Variants in SHANK2 observed in about 807,000 individuals in gnomAD.
The protein encoded by SHANK2 is SH3 and multiple ankyrin repeat domains protein 2.
SHANK2 carries 43 observed loss-of-function variants against 133.7 expected under a neutral mutation model. That is an observed-to-expected ratio of 0.32 (90% CI 0.25 to 0.41). The LOEUF is 0.41. Ranked by LOEUF, SHANK2 falls within the 10% of genes least tolerant of loss-of-function variation. The probability of loss-of-function intolerance (pLI) is 1.00; values close to 1 mark genes in which losing one functional copy is unlikely to be tolerated. For synonymous variants in SHANK2, 1,017 were observed against 952.8 expected, an observed-to-expected ratio of 1.07 and a Z score of -1.24; for missense variants, 1,994 against 2,235.8, an observed-to-expected ratio of 0.89 and a Z score of 2.18.
chr11:71,229,125 A>T, intron 1 of SHANK2, among the ~76,000 whole-genome samples: 1 of 152,212 alleles, frequency 6.6e-6, no homozygotes, highest in East Asian at 1.9e-4. Flanking sequence ...ATGAGCCAAG[A>T]TTCACCAAAT....
chr11:70,887,512 G>C (rs902145575), intron 11 of SHANK2, among the ~76,000 whole-genome samples: 3 of 152,034 alleles, frequency 2.0e-5, no homozygotes, highest in Non-Finnish European at 4.4e-5. Context: ...CCATTTCTGG[G>C]TTCTACAGAC....
chr11:70,535,764 T>C lies in SHANK2; in HGVS notation c.2062-32833A>G, dbSNP rs957347559. ...ACCCAGCAGCACTGTGGGAAGTCCC[T>C]GTGCTCCACGGGGCAGGAGAGGTTC... On this transcript the variant is annotated intron_variant, in intron 17 of 25. Coordinates refer to ENST00000601538, the MANE Select transcript of SHANK2 (RefSeq NM_012309.5). This position sits in a 1 kb window ranked among gnomAD's most constrained non-coding sequence, Gnocchi z 4.3. Among the ~76,000 whole-genome samples, 9 of 152,202 alleles carry C rather than the reference T, an allele frequency of 5.9e-5. No homozygotes were observed. Among genetic ancestry groups the C allele is most frequent in the Non-Finnish European group, 1.3e-4 (9 of 68,030 alleles).
intron 17 of SHANK2, among the ~76,000 whole-genome samples, chr11:70,555,793 C>T (rs2136103807): frequency 6.6e-6 from 1 of 152,288 alleles, no homozygotes; most frequent in East Asian, 1.9e-4. Context: ...GTGAAGCATC[C>T]TCATTGCTGA....
chr11:71,234,999 A>G (rs1029525929), intron 1 of SHANK2, among the ~76,000 whole-genome samples: 2 of 152,192 alleles, frequency 1.3e-5, no homozygotes, highest in Admixed American at 1.3e-4. Context: ...ATCTCCAGCC[A>G]TAAAAAGGAA....
At chr11:70,747,783 A>T (rs1029149096) in intron 14 of SHANK2, among the ~76,000 whole-genome samples, 2 of 152,220 alleles carry the variant, frequency 1.3e-5, no homozygotes, top group African/African-American at 4.8e-5. Context: ...CACATGGTAC[A>T]TGTATGTGCA....
intron 17 of SHANK2, among the ~76,000 whole-genome samples, chr11:70,513,601 A>C (rs1459421254): frequency 1.3e-5 from 2 of 152,262 alleles, no homozygotes; most frequent in Non-Finnish European, 2.9e-5. Flanking sequence ...TGGAATTATC[A>C]GAGAAGGACT....
chr11:70,561,720 A>G (rs201974175), intron 17 of SHANK2, among the ~76,000 whole-genome samples: 133 of 151,452 alleles, frequency 8.8e-4, no homozygotes, highest in African/African-American at 1.4e-3. Flanking sequence ...TAGAGATGGC[A>G]GGGGGGGTCT....
At chr11:70,602,913 A>G (rs2136332505) in intron 17 of SHANK2, among the ~76,000 whole-genome samples, 1 of 152,346 alleles carries the variant, frequency 6.6e-6, no homozygotes, top group East Asian at 1.9e-4. Flanking sequence ...ATAGAGTCCT[A>G]CACAGGTGGG....
rs76485270 is a variant in SHANK2 at position 71,208,043 on chromosome 11, G to T, written c.-13+16654C>A. Among the ~76,000 whole-genome samples, 16 of 152,212 alleles carry T rather than the reference G, an allele frequency of 1.1e-4. No individual in the cohort carries two copies. The East Asian group carries it at 3.1e-3, about 29-fold the overall frequency. On this transcript the variant is annotated intron_variant, in intron 2 of 25. Transcript: ENST00000601538. ...GGGCTCCCAAGAAAAGCTTTTAAGG[G>T]CCTTAAGACACCTAAAACCCACACA...
chr11:70,738,637 C>T (rs960852923), intron 14 of SHANK2, among the ~76,000 whole-genome samples: 14 of 152,318 alleles, frequency 9.2e-5, no homozygotes, highest in East Asian at 7.7e-4. Flanking sequence ...CACAGCCAGC[C>T]GCTGGACCCC....
At position 70,882,079 on chromosome 11, in the gene SHANK2, C is replaced by T. The variant is rs558352976; in HGVS notation, c.1174+14422G>A. On this transcript the variant is annotated intron_variant, in intron 11 of 25. Transcript: ENST00000601538. This position sits in a 1 kb window ranked among gnomAD's most constrained non-coding sequence, Gnocchi z 4.2. ...GAGGCGGAAAACATCAGTGTGAATT[C>T]CCCAAGCCCCCAGGGGGACACACTG... Among the ~76,000 whole-genome samples, 1 of 152,192 alleles carries T rather than the reference C, an allele frequency of 6.6e-6. No homozygotes were observed. Among genetic ancestry groups the T allele is most frequent in the South Asian group, 2.1e-4 (1 of 4,820 alleles).
intron 3 of SHANK2, among the ~76,000 whole-genome samples, chr11:71,125,091 C>T (rs868919740): frequency 1.3e-5 from 2 of 152,036 alleles, no homozygotes; most frequent in Non-Finnish European, 2.9e-5. Flanking sequence ...TTCCACTGAC[C>T]AGCTATTCTC....
intron 1 of SHANK2, among the ~76,000 whole-genome samples, chr11:71,251,003 G>A (rs1555125760): frequency 6.6e-6 from 1 of 152,094 alleles, no homozygotes; most frequent in African/African-American, 2.4e-5. Flanking sequence ...ATTTCCACCC[G>A]AAAACCACTT....
chr11:70,669,246 G>A (rs1555015450), intron 15 of SHANK2: 1 of 152,306 alleles, frequency 6.6e-6, no homozygotes, highest in East Asian at 1.9e-4. Flanking sequence ...GCGGCTGTGA[G>A]TGGTCTGTGG....
chr11:70,610,477 T>A (rs1459837771), intron 17 of SHANK2, among the ~76,000 whole-genome samples: 1 of 152,166 alleles, frequency 6.6e-6, no homozygotes, highest in Non-Finnish European at 1.5e-5. Flanking sequence ...CCCCGGCCAG[T>A]CCCACTGTCC....
chr11:71,212,324 T>C (rs1001254684), intron 2 of SHANK2, among the ~76,000 whole-genome samples: 2 of 152,226 alleles, frequency 1.3e-5, no homozygotes, highest in African/African-American at 4.8e-5. Context: ...AGATTCCTAC[T>C]GAATCTGATA....
intron 10 of SHANK2, among the ~76,000 whole-genome samples, chr11:70,910,023 TTCTC>T (rs375755664): frequency 1.1e-4 from 16 of 152,254 alleles, no homozygotes; most frequent in South Asian, 2.1e-4. Context: ...CTGGGCCGCC[TTCTC>T]TCTGTGTCCT....
At chr11:71,108,912 T>C (rs1405449757) in intron 6 of SHANK2, among the ~76,000 whole-genome samples, 2 of 151,978 alleles carry the variant, frequency 1.3e-5, no homozygotes, top group African/African-American at 4.8e-5. Context: ...GACAGAGCTG[T>C]GCAGGCTGAA....
At chr11:70,741,874 G>A (rs923796426) in intron 14 of SHANK2, among the ~76,000 whole-genome samples, 6 of 152,158 alleles carry the variant, frequency 3.9e-5, no homozygotes, top group Non-Finnish European at 8.8e-5. Context: ...CTAGATCCAG[G>A]ATTCCTTCTG....
Sources: gnomAD v4.1 joint callset for allele counts (sites outside exome capture counted in the v4.1 genomes callset) on GRCh38, gnomAD v4.1.1 for gene constraint, Gnocchi (gnomAD v3.1) non-coding constraint, MANE v1.5 for transcripts, NCBI Gene and HGNC (gene_info 2026-07-23, HGNC 2026-07-21) for gene names.